Variants in CSNK1A1 observed in about 807,000 individuals in gnomAD.
The protein encoded by CSNK1A1 is casein kinase I isoform alpha.
A neutral mutation model predicts 46.1 loss-of-function variants in CSNK1A1; 7 were observed. The ratio of observed to expected loss-of-function variants is 0.15; its 90% CI spans 0.09 to 0.29. The LOEUF is 0.29. CSNK1A1 is among the 10% of genes least tolerant of loss of function. The probability of loss-of-function intolerance (pLI) is 1.00; values close to 1 mark genes in which losing one functional copy is unlikely to be tolerated. For missense variants in CSNK1A1, 96 were observed against 417.1 expected (o/e 0.23, Z 6.71); for synonymous variants, 137 against 141.5 (o/e 0.97, Z 0.23).
chr5:149,499,967 CTTTTT>C (rs1162496799), intron 9 of CSNK1A1, among the ~76,000 whole-genome samples: 9 of 77,710 alleles, frequency 1.2e-4, no homozygotes, highest in Admixed American at 4.1e-4. Flanking sequence ...TTCTTTTTTT[CTTTTT>C]TTTTTTTTTT....
chr5:149,547,313 C>T lies in CSNK1A1; in HGVS notation c.230+2762G>A, dbSNP rs532236092. On this transcript the variant is annotated intron_variant, in intron 2 of 9. Coordinates refer to ENST00000377843, the MANE Select transcript of CSNK1A1 (RefSeq NM_001892.6). The stretch of plus-strand genomic sequence containing the variant: ...AGGCACCTATTACTATAATTCTGCT[C>T]AGAAGTTAATTTATTCATGTGCTTA... Among the ~76,000 whole-genome samples the T allele has an allele frequency of 2.8e-4, 42 of 152,322 alleles. 1 individual carries two copies. The highest frequency in any genetic ancestry group is 9.4e-4 in the African/African-American group (39 of 41,570).
At chr5:149,523,858 T>C (rs1256530921) in intron 3 of CSNK1A1, among the ~76,000 whole-genome samples, 1 of 152,210 alleles carries the variant, frequency 6.6e-6, no homozygotes, top group Non-Finnish European at 1.5e-5. Context: ...AAATAAACGA[T>C]AAGCTATTGT....
intron 2 of CSNK1A1, among the ~76,000 whole-genome samples, chr5:149,539,675 T>C (rs1762171915): frequency 6.6e-6 from 1 of 152,100 alleles, no homozygotes; most frequent in East Asian, 1.9e-4. Flanking sequence ...CTACGTCATA[T>C]CCCAATTTAA....
Position 149,551,000 on chromosome 5 carries a change from C to A in CSNK1A1, c.-36G>T. ...GAAGATGGAGGCTGGGGCCAAGCCCCGACACCTCTGGGAAGAGGACGGAGG... is the reference window on the plus strand; with the variant it reads ...GAAGATGGAGGCTGGGGCCAAGCCCAGACACCTCTGGGAAGAGGACGGAGG... On this transcript the variant is annotated 5_prime_UTR_variant, in exon 1 of 10. Transcript: ENST00000377843. This position sits in a 1 kb window ranked among gnomAD's most constrained non-coding sequence, Gnocchi z 4.3. 1 of 1,612,866 alleles carries A rather than the reference C, an allele frequency of 6.2e-7. No individual in the cohort carries two copies. The highest frequency in any genetic ancestry group is 1.1e-5 in the South Asian group (1 of 91,070).
At position 149,520,382 on chromosome 5, in the gene CSNK1A1, T is replaced by C; in HGVS notation, c.364A>G (p.Ser122Gly). Residue 122 changes from serine to glycine, a missense_variant, in exon 4 of 10, where the codon AGT (serine) becomes GGT (glycine). Ser to Gly is a moderately conservative substitution (Grantham distance 56). Coordinates refer to ENST00000377843, the MANE Select transcript of CSNK1A1 (RefSeq NM_001892.6). Reference sequence around the variant, plus strand: ...TTTGTATGCACATATTCAATTCTACTGATCATCTGGAAAAAAAAGAAGGGA... The same window carrying C: ...TTTGTATGCACATATTCAATTCTACCGATCATCTGGAAAAAAAAGAAGGGA... The part of the protein sequence containing the change: ...TVLMLADQMI[S>G]RIEYVHTKNF... 3 of 1,578,178 alleles carry C rather than the reference T, an allele frequency of 1.9e-6. No homozygotes were observed. The highest frequency in any genetic ancestry group is 2.6e-6 in the Non-Finnish European group (3 of 1,151,458).
chr5:149,532,971 C>T (rs1047467218), intron 2 of CSNK1A1, among the ~76,000 whole-genome samples: 21 of 152,130 alleles, frequency 1.4e-4, no homozygotes, highest in African/African-American at 5.1e-4. Flanking sequence ...ATGTTTTGCT[C>T]AGCAATAACG....
chr5:149,541,993 A>AAAGAAG (rs1561771622), intron 2 of CSNK1A1, among the ~76,000 whole-genome samples: 1 of 149,146 alleles, frequency 6.7e-6, no homozygotes, highest in African/African-American at 2.5e-5. Context: ...AAAAAAAAAA[A>AAAGAAG]AAGATCTAGG....
rs573784578 is a variant in CSNK1A1, at chr5:149,504,557, T to C, written c.1006+890A>G. 1.1e-4 allele frequency: 108 copies of C among 985,344 alleles called. No homozygotes were observed. In the African/African-American group the frequency reaches 1.7e-3, roughly 16 times the overall value. The allele number at this position is 985,344 out of a possible 1,614,324, so 61.0% of individuals were successfully genotyped here. A position where few individuals can be genotyped will look rare whatever the true frequency, so the allele number is the denominator to read the frequency against. ...GGAAAAGAAAGACAAAACATGAAAA[T>C]GGGAGTTAAACTGTATAGCAACAGT... On this transcript the variant is annotated intron_variant, in intron 9 of 9. Coordinates refer to ENST00000377843, the MANE Select transcript of CSNK1A1 (RefSeq NM_001892.6).
chr5:149,505,502 C>T lies in CSNK1A1; in HGVS notation c.951G>A (p.Gln317=). 1 of 1,614,122 alleles carries T rather than the reference C, an allele frequency of 6.2e-7. No homozygotes were observed. Among genetic ancestry groups the T allele is most frequent in the East Asian group, 2.2e-5 (1 of 44,874 alleles). ...QQAASSSGQG[Q]QAQTPTGKQT... is the part of the protein sequence containing the mutation. ...GCTTGCCTGTGGGGGTTTGGGCCTGCTGACCCTGCCCACTGGAAGAGGCTG... is the reference window on the plus strand; with the variant it reads ...GCTTGCCTGTGGGGGTTTGGGCCTGTTGACCCTGCCCACTGGAAGAGGCTG... Residue 317 remains glutamine (Q), a synonymous_variant, in exon 9 of 10, where the codon CAG becomes CAA. Coordinates refer to ENST00000377843, the MANE Select transcript of CSNK1A1 (RefSeq NM_001892.6).
At chr5:149,532,884 G>A (rs1477142814) in intron 2 of CSNK1A1, among the ~76,000 whole-genome samples, 1 of 152,106 alleles carries the variant, frequency 6.6e-6, no homozygotes, top group Non-Finnish European at 1.5e-5. Flanking sequence ...TTATGAACCA[G>A]GTTAAGAGCC....
Position 149,550,388 on chromosome 5 carries a change from A to T in CSNK1A1, c.124-207T>A. 1 of 1,349,770 alleles carries T rather than the reference A, an allele frequency of 7.4e-7. No individual in the cohort carries two copies. Among genetic ancestry groups the T allele is most frequent in the Non-Finnish European group, 9.5e-7 (1 of 1,050,504 alleles). The allele number at this position is 1,349,770 out of a possible 1,614,324, so 83.6% of individuals were successfully genotyped here. A position where few individuals can be genotyped will look rare whatever the true frequency, so the allele number is the denominator to read the frequency against. ...TAGTGACGAAATCCGTACGTCCTCT[A>T]AAGTGCAGGAAAATGATTCATCCAG... On this transcript the variant is annotated intron_variant, in intron 1 of 9. Coordinates refer to ENST00000377843, the MANE Select transcript of CSNK1A1 (RefSeq NM_001892.6). The surrounding 1 kb of genome is among the most constrained non-coding windows in gnomAD (Gnocchi z 4.3).
rs1050857145 is a variant in CSNK1A1 at position 149,511,815 on chromosome 5, G to A, written c.654C>T (p.Ser218=). Residue 218 remains serine (S), a synonymous_variant, in exon 6 of 10, where the codon AGC becomes AGT. Transcript: ENST00000377843. ...TTACCTTTAGCCCTTGCCATGGCAG[G>A]CTGGTTCTATTAAAATACATCAAAA... ...GYVLMYFNRT[S]LPWQGLKAAT... is the part of the protein sequence containing the mutation. The A allele has an allele frequency of 1.2e-6, 2 of 1,608,462 alleles. No homozygotes were observed. Among genetic ancestry groups the A allele is most frequent in the African/African-American group, 1.3e-5 (1 of 74,710 alleles).
intron 2 of CSNK1A1, among the ~76,000 whole-genome samples, chr5:149,528,133 T>C (rs1761776851): frequency 6.6e-6 from 1 of 152,148 alleles, no homozygotes; most frequent in East Asian, 1.9e-4. Context: ...TGGGAAGAAT[T>C]AGATGAATTG....
chr5:149,518,603 A>C (rs974801579), intron 4 of CSNK1A1, among the ~76,000 whole-genome samples: 2 of 152,182 alleles, frequency 1.3e-5, no homozygotes, highest in Non-Finnish European at 2.9e-5. Context: ...TTTGAATCTT[A>C]GTTGAGTAAA....
chr5:149,510,450 T>C (rs2113083739), intron 6 of CSNK1A1, among the ~76,000 whole-genome samples: 1 of 152,004 alleles, frequency 6.6e-6, no homozygotes, highest in East Asian at 1.9e-4. Context: ...GCATTTTCTT[T>C]CCTTTTTCCT....
At chr5:149,521,741 C>T (rs1202830881) in intron 3 of CSNK1A1, among the ~76,000 whole-genome samples, 4 of 151,862 alleles carry the variant, frequency 2.6e-5, no homozygotes, top group Admixed American at 2.0e-4. Context: ...CTCAGCCTCC[C>T]GAGTAGTTGG....
chr5:149,537,249 G>A (rs1273659108), intron 2 of CSNK1A1, among the ~76,000 whole-genome samples: 11 of 152,018 alleles, frequency 7.2e-5, no homozygotes, highest in Admixed American at 3.9e-4. Flanking sequence ...AGTAGTGGGC[G>A]CCTGTAATCC....
intron 9 of CSNK1A1, 47 bp downstream of exon 9, chr5:149,505,400 G>T: frequency 6.3e-7 from 1 of 1,576,400 alleles, no homozygotes; most frequent in Admixed American, 1.7e-5. Flanking sequence ...ACCCAATTTT[G>T]TATTCAATTT....
chr5:149,502,404 G>A (rs910545078), intron 9 of CSNK1A1: 1 of 668,888 alleles, frequency 1.5e-6, no homozygotes, highest in African/African-American at 2.0e-5. Context: ...GCAGTGGCAT[G>A]ATCACAGCTC....
Sources: allele counts gnomAD v4.1 joint callset (sites outside exome capture counted in the v4.1 genomes callset), GRCh38; gene constraint gnomAD v4.1.1; non-coding constraint Gnocchi (gnomAD v3.1); transcripts MANE v1.5; gene names NCBI Gene and HGNC (gene_info 2026-07-23, HGNC 2026-07-21).